KATNBL1: variants seen among roughly 807,000 people sequenced by gnomAD.
The protein encoded by KATNBL1 is katanin regulatory subunit B1 like 1.
In KATNBL1, 28 loss-of-function variants were observed where a neutral mutation model predicts 44.7. The ratio of observed to expected loss-of-function variants is 0.63; its 90% CI spans 0.46 to 0.86. The LOEUF is 0.86. Among genes scored for constraint, KATNBL1 ranks in the 40% least tolerant of loss-of-function variants. KATNBL1 has a pLI of 0.00. For synonymous variants in KATNBL1, 78 were observed against 114.9 expected, an observed-to-expected ratio of 0.68 and a Z score of 2.06; for missense variants, 272 against 350.7, an observed-to-expected ratio of 0.78 and a Z score of 1.79.
In KATNBL1 at chr15:34,199,254, T is replaced by C. The variant is rs146007160; in HGVS notation, c.-15+10697A>G. ...GGGTTTGAGACCAGTCTGGCCAACA[T>C]GGCAAAACCCCGTCTCTACTAAAAA... On this transcript the variant is annotated intron_variant, in intron 1 of 9. Transcript: ENST00000256544. 9.7e-3 allele frequency among the ~76,000 whole-genome samples: 1,476 copies of C among 152,242 alleles called. 26 individuals are homozygous for C. The highest frequency in any genetic ancestry group is 0.034 in the African/African-American group (1,407 of 41,522).
chr15:34,146,975 A>G (rs1888329051), intron 7 of KATNBL1, 125 bp from the exon 8 acceptor site: 1 of 675,644 alleles, frequency 1.5e-6, no homozygotes, highest in African/African-American at 1.8e-5. Flanking sequence ...AAAAATTGTT[A>G]CCTTCATGAT....
intron 8 of KATNBL1, 53 bp downstream of exon 8, chr15:34,146,708 C>A: frequency 1.0e-6 from 1 of 1,000,042 alleles, no homozygotes; most frequent in Non-Finnish European, 1.6e-6. Flanking sequence ...TTTAATCAAG[C>A]TGCTTTCCTG....
rs145380631 is a variant in KATNBL1 at position 34,160,436 on chromosome 15, T to G, written c.117+3124A>C. Among the ~76,000 whole-genome samples, 399 of 152,276 alleles carry G rather than the reference T, an allele frequency of 2.6e-3. 6 individuals are homozygous for G. The highest frequency in any genetic ancestry group is 9.1e-3 in the African/African-American group (377 of 41,560). ...TTTCTTGTTAATATCTGGCCAACTA[T>G]TAGTTACAAAATGAAGCTTTAACAT... On this transcript the variant is annotated intron_variant, in intron 2 of 9. Transcript: ENST00000256544.
At chr15:34,183,572 A>G (rs1889626561) in intron 1 of KATNBL1, among the ~76,000 whole-genome samples, 1 of 152,364 alleles carries the variant, frequency 6.6e-6, no homozygotes, top group Non-Finnish European at 1.5e-5. Context: ...ACATTTATGT[A>G]TTTACCTTGC....
At chr15:34,175,333 C>T (rs1435609260) in intron 1 of KATNBL1, among the ~76,000 whole-genome samples, 3 of 152,006 alleles carry the variant, frequency 2.0e-5, no homozygotes, top group Admixed American at 6.6e-5. Context: ...ATAAGCATTC[C>T]GTTTGAGTGC....
rs2140888223 is a variant in KATNBL1 at position 34,140,896 on chromosome 15, A to T, written c.*1443T>A. 6.6e-6 allele frequency: 1 copy of T among 152,312 alleles called. No homozygotes were observed. Among genetic ancestry groups the T allele is most frequent in the South Asian group, 2.1e-4 (1 of 4,830 alleles). The allele number at this position is 152,312 out of a possible 1,614,324, so 9.4% of individuals were successfully genotyped here. ...AGGAATATCTAGCTATATAAAATAT[A>T]GCTACACAAAACCAGAACTCAGTGA... On this transcript the variant is annotated 3_prime_UTR_variant, in exon 10 of 10. Transcript: ENST00000256544.
intron 1 of KATNBL1, among the ~76,000 whole-genome samples, chr15:34,191,466 T>A (rs1176957475): frequency 1.3e-5 from 2 of 152,108 alleles, no homozygotes; most frequent in East Asian, 3.9e-4. Context: ...AATGGCTGGG[T>A]TTTATGGTAG....
At chr15:34,197,231 T>C (rs1890051070) in intron 1 of KATNBL1, among the ~76,000 whole-genome samples, 1 of 152,256 alleles carries the variant, frequency 6.6e-6, no homozygotes, top group South Asian at 2.1e-4. Flanking sequence ...AATGTGAAGT[T>C]GTATTTTTCT....
Position 34,181,717 on chromosome 15 carries a change from T to C in KATNBL1, c.-14-18027A>G, listed in dbSNP as rs1042659527. ...ATATATATATCCATATATATGGACA[T>C]ATATATGTCCATATATACACATATA... On this transcript the variant is annotated intron_variant, in intron 1 of 9. Transcript: ENST00000256544. 2.4e-5 allele frequency among the ~76,000 whole-genome samples: 3 copies of C among 126,222 alleles called. 1 individual carries two copies. The highest frequency in any genetic ancestry group is 8.0e-5 in the Admixed American group (1 of 12,490). 82.8% of individuals were successfully genotyped at this position (126,222 alleles called of 152,430 possible). A position where few individuals can be genotyped will look rare whatever the true frequency, so the allele number is the denominator to read the frequency against.
intron 1 of KATNBL1, among the ~76,000 whole-genome samples, chr15:34,200,226 G>A (rs1890142773): frequency 6.6e-6 from 1 of 151,956 alleles, no homozygotes; most frequent in African/African-American, 2.4e-5. Context: ...TTTCCTGAAT[G>A]ATGATTCATC....
chr15:34,206,136 T>C lies in KATNBL1; in HGVS notation c.-15+3815A>G, dbSNP rs370549973. Among the ~76,000 whole-genome samples the C allele has an allele frequency of 2.5e-4, 38 of 152,292 alleles. 1 individual carries two copies. In the South Asian group the frequency reaches 7.5e-3, roughly 30 times the overall value. On this transcript the variant is annotated intron_variant, in intron 1 of 9. Transcript: ENST00000256544. ...GGCTTAGCGTTGCGACTTACAGTAA[T>C]AGTGCCTTTCCCACTGTAACACCAA...
chr15:34,198,037 G>A (rs919530871), intron 1 of KATNBL1, among the ~76,000 whole-genome samples: 2 of 152,164 alleles, frequency 1.3e-5, no homozygotes, highest in Non-Finnish European at 1.5e-5. Flanking sequence ...TTATAAGTGT[G>A]AGCCACCGCA....
chr15:34,146,016 T>C (rs1888300092), intron 8 of KATNBL1: 1 of 148,778 alleles, frequency 6.7e-6, no homozygotes, highest in Admixed American at 6.9e-5. Context: ...TGGTGCCATC[T>C]CGGCTTACTG....
chr15:34,161,256 T>C (rs571077024), intron 2 of KATNBL1, among the ~76,000 whole-genome samples: 1 of 152,352 alleles, frequency 6.6e-6, no homozygotes, highest in South Asian at 2.1e-4. Context: ...GATTATTTTT[T>C]TTCCCCCAAG....
chr15:34,206,427 A>G (rs1890293300), intron 1 of KATNBL1, among the ~76,000 whole-genome samples: 1 of 152,254 alleles, frequency 6.6e-6, no homozygotes, highest in Non-Finnish European at 1.5e-5. Flanking sequence ...GTTAAGGGGT[A>G]TTAAGCTGGT....
intron 1 of KATNBL1, among the ~76,000 whole-genome samples, chr15:34,192,066 G>C (rs1312974966): frequency 6.6e-6 from 1 of 151,806 alleles, no homozygotes; most frequent in Non-Finnish European, 1.5e-5. Flanking sequence ...GCTGAAGCTG[G>C]GTAATTGTAA....
chr15:34,207,669 C>T (rs571294013), intron 1 of KATNBL1, among the ~76,000 whole-genome samples: 3 of 152,154 alleles, frequency 2.0e-5, no homozygotes, highest in South Asian at 2.1e-4. Context: ...GGCACAATCT[C>T]GGCTCACTGT....
At chr15:34,205,771 G>A (rs1890279398) in intron 1 of KATNBL1, among the ~76,000 whole-genome samples, 1 of 152,154 alleles carries the variant, frequency 6.6e-6, no homozygotes, top group African/African-American at 2.4e-5. Context: ...TTAAGTACAT[G>A]TTACAGACTA....
intron 1 of KATNBL1, among the ~76,000 whole-genome samples, chr15:34,172,029 T>C (rs993937956): frequency 6.6e-6 from 1 of 151,938 alleles, no homozygotes; most frequent in Admixed American, 6.6e-5. Context: ...CATGTATACC[T>C]ATGTAACAAA....
Sources: gnomAD v4.1 joint callset for allele counts (sites outside exome capture counted in the v4.1 genomes callset) on GRCh38, gnomAD v4.1.1 for gene constraint, MANE v1.5 for transcripts, NCBI Gene and HGNC (gene_info 2026-07-23, HGNC 2026-07-21) for gene names.